The following MTOR variants were observed in gnomAD, a reference collection of about 807,000 sequenced individuals.
MTOR encodes the protein serine/threonine-protein kinase mTOR.
Under a neutral mutation model 319.8 loss-of-function variants are expected in MTOR, and 70 were observed. The ratio of observed to expected loss-of-function variants is 0.22; its 90% confidence interval spans 0.18 to 0.27. The LOEUF is 0.27. Among genes scored for constraint, MTOR ranks in the 10% least tolerant of loss-of-function variants. The pLI is 1.00. For missense variants in MTOR, 1,890 were observed against 3,274.4 expected (o/e 0.58, Z 10.32); for synonymous variants, 1,183 against 1,211.4 (o/e 0.98, Z 0.49).
chr1:11,170,575 A>T (rs1262811140), intron 28 of MTOR, among the ~76,000 whole-genome samples: 2 of 151,828 alleles, frequency 1.3e-5, no homozygotes, highest in Non-Finnish European at 2.9e-5. Context: ...ATAATAAAAA[A>T]AAAGAAAGCC....
intron 36 of MTOR, among the ~76,000 whole-genome samples, chr1:11,138,627 G>A (rs924727270): frequency 6.6e-6 from 1 of 152,174 alleles, no homozygotes; most frequent in African/African-American, 2.4e-5. Flanking sequence ...GGTCACAATG[G>A]GGAGAGAAGG....
At chr1:11,156,476 T>A (rs1029671285) in intron 30 of MTOR, among the ~76,000 whole-genome samples, 2 of 152,208 alleles carry the variant, frequency 1.3e-5, no homozygotes, top group Non-Finnish European at 2.9e-5. Flanking sequence ...GCATTACTGT[T>A]GCTTGCACCT....
intron 28 of MTOR, among the ~76,000 whole-genome samples, chr1:11,180,835 G>A (rs147213343): frequency 0.012 from 1,873 of 151,104 alleles, 48 homozygotes; most frequent in African/African-American, 0.041. Flanking sequence ...GGAGTGCAGC[G>A]GTGCGATCTC....
At chr1:11,194,215 G>C (rs1453744971) in intron 28 of MTOR, among the ~76,000 whole-genome samples, 2 of 152,210 alleles carry the variant, frequency 1.3e-5, no homozygotes, top group African/African-American at 2.4e-5. Flanking sequence ...TTATAAGCAG[G>C]AAAGTGAGGA....
intron 6 of MTOR, among the ~76,000 whole-genome samples, chr1:11,251,266 C>G (rs2100955899): frequency 6.6e-6 from 1 of 152,304 alleles, no homozygotes; most frequent in East Asian, 1.9e-4. Flanking sequence ...ATTTGCTGCT[C>G]CTCTAATACA....
intron 1 of MTOR, among the ~76,000 whole-genome samples, chr1:11,261,647 C>A (rs1651152810): frequency 3.3e-5 from 5 of 150,542 alleles, no homozygotes. Context: ...GAGGAAAAAC[C>A]TGGGAATAAT....
Position 11,128,432 on chromosome 1 carries a change from A to C in MTOR, c.5910+22T>G. 1 of 1,609,840 alleles carries C rather than the reference A, an allele frequency of 6.2e-7. No homozygotes were observed. Among genetic ancestry groups the C allele is most frequent in the Non-Finnish European group, 8.5e-7 (1 of 1,176,390 alleles). On this transcript the variant is annotated intron_variant, in intron 42 of 57. Coordinates refer to ENST00000361445, the MANE Select transcript of MTOR (RefSeq NM_004958.4). The surrounding 1 kb of genome is among the most constrained non-coding windows in gnomAD (Gnocchi z 5.3). ...CACCAAACCAGTGGTTAGATGAGAA[A>C]CTGCCCAGAGTCTCCACATACCTGG... is the stretch of plus-strand genomic sequence containing the variant.
At chr1:11,163,052 G>GAC (rs1254028548) in intron 29 of MTOR, among the ~76,000 whole-genome samples, 1 of 151,984 alleles carries the variant, frequency 6.6e-6, no homozygotes, top group Non-Finnish European at 1.5e-5. Flanking sequence ...CTCACGTGCA[G>GAC]ACACACACAT....
intron 29 of MTOR, among the ~76,000 whole-genome samples, chr1:11,165,222 A>C (rs1162914795): frequency 6.6e-6 from 1 of 152,194 alleles, no homozygotes; most frequent in Non-Finnish European, 1.5e-5. Flanking sequence ...ACTCCTATTC[A>C]ACAAAGTGTT....
intron 49 of MTOR, among the ~76,000 whole-genome samples, chr1:11,117,569 T>G (rs1215910449): frequency 6.6e-6 from 1 of 152,106 alleles, no homozygotes; most frequent in Non-Finnish European, 1.5e-5. Context: ...TAAACTTAAT[T>G]AGAAATGTGT....
chr1:11,125,974 G>T (rs1195389326), intron 46 of MTOR, among the ~76,000 whole-genome samples: 1 of 149,492 alleles, frequency 6.7e-6, no homozygotes, highest in Non-Finnish European at 1.5e-5. Flanking sequence ...CTGGGAGGTG[G>T]AGGTTGCAGT....
Position 11,134,463 on chromosome 1 carries a change from C to T in MTOR, c.5134G>A (p.Asp1712Asn), listed in dbSNP as rs759390743. ...AAATGCTGCATGTGCTGGAAGGCATCGATCTGTAACAGGACAAAGGCACAG... is the reference window on the plus strand; with the variant it reads ...AAATGCTGCATGTGCTGGAAGGCATTGATCTGTAACAGGACAAAGGCACAG... ...KNMWKSARKI[D>N]AFQHMQHFVQ... is the part of the protein sequence containing the mutation. Residue 1712 changes from aspartate (D) to asparagine (N), a missense_variant, in exon 37 of 58, where the codon GAT becomes AAT. By Grantham distance (23) the Asp-to-Asn change is conservative. Transcript: ENST00000361445. 1.1e-5 allele frequency: 17 copies of T among 1,613,914 alleles called. No individual in the cohort carries two copies. The highest frequency in any genetic ancestry group is 2.2e-5 in the East Asian group (1 of 44,880).
rs1467645376 is a variant in MTOR at position 11,230,973 on chromosome 1, C to G, written c.2731G>C (p.Asp911His). 6.2e-7 allele frequency: 1 copy of G among 1,614,014 alleles called. No individual in the cohort carries two copies. The highest frequency in any genetic ancestry group is 8.5e-7 in the Non-Finnish European group (1 of 1,180,034). Residue 911 changes from aspartate to histidine, a missense_variant, in exon 18 of 58, where the codon GAT (aspartate) becomes CAT (histidine). By Grantham distance (81) the Asp-to-His change is moderately conservative. This residue lies in a region of MTOR where 377 missense variants were observed against 653.9 expected (regional missense o/e 0.58). Coordinates refer to ENST00000361445, the MANE Select transcript of MTOR (RefSeq NM_004958.4). ...VNIGMIDQSRDASAVSLSESK... is the reference protein window; with the variant it reads ...VNIGMIDQSRHASAVSLSESK... Reference sequence around the variant, plus strand: ...TCTGACAGGCTGACAGCAGAGGCATCCCGGGACTGGTCTATCATGCCAATG... The same window carrying G: ...TCTGACAGGCTGACAGCAGAGGCATGCCGGGACTGGTCTATCATGCCAATG...
chr1:11,229,959 C>T (rs1045583951), intron 18 of MTOR, among the ~76,000 whole-genome samples: 4 of 151,778 alleles, frequency 2.6e-5, no homozygotes, highest in Non-Finnish European at 4.4e-5. Context: ...AAGTGAGACC[C>T]TGTCTCCAAA....
Position 11,231,431 on chromosome 1 carries a change from C to A in MTOR, c.2518G>T (p.Ala840Ser). 1 of 1,613,928 alleles carries A rather than the reference C, an allele frequency of 6.2e-7. No individual in the cohort carries two copies. Among genetic ancestry groups the A allele is most frequent in the Non-Finnish European group, 8.5e-7 (1 of 1,179,908 alleles). ...ACCAACTGTCCCAGGGTCCACAGAGCCACCTGGATAGGCACAAGAACACGA... is the reference window on the plus strand; with the variant it reads ...ACCAACTGTCCCAGGGTCCACAGAGACACCTGGATAGGCACAAGAACACGA... ...DSSLLAKRQV[A>S]LWTLGQLVAS... The change falls in exon 17 of 58, where the codon GCT becomes TCT. Residue 840 changes from alanine to serine, a missense_variant. By Grantham distance (99) the Ala-to-Ser change is moderately conservative. This residue lies in a region of MTOR where 377 missense variants were observed against 653.9 expected (regional missense o/e 0.58). Coordinates refer to ENST00000361445, the MANE Select transcript of MTOR (RefSeq NM_004958.4).
chr1:11,253,518 C>T (rs927532410), intron 6 of MTOR, among the ~76,000 whole-genome samples: 29 of 152,092 alleles, frequency 1.9e-4, no homozygotes, highest in African/African-American at 7.0e-4. Context: ...CACACTCTTC[C>T]ACCTCAAAGC....
intron 25 of MTOR, among the ~76,000 whole-genome samples, chr1:11,208,366 AC>A (rs36037573): frequency 6.6e-6 from 1 of 152,230 alleles, no homozygotes; most frequent in African/African-American, 2.4e-5. Flanking sequence ...ACAGTAATAA[AC>A]CCCCAGTGCT....
At position 11,106,936 on chromosome 1, in the gene MTOR, G is replaced by A. The variant is rs1203084263; in HGVS notation, c.*549C>T. On this transcript the variant is annotated 3_prime_UTR_variant, in exon 58 of 58. Coordinates refer to ENST00000361445, the MANE Select transcript of MTOR (RefSeq NM_004958.4). ...GGGTCTGATGGAAGACAGACCTTTT[G>A]TACTCATTTTGGCCTATCTTGCAAA... The A allele has an allele frequency of 7.3e-7, 1 of 1,370,248 alleles. No homozygotes were observed. Among genetic ancestry groups the A allele is most frequent in the Non-Finnish European group, 9.6e-7 (1 of 1,038,682 alleles). 84.9% of individuals were successfully genotyped at this position (1,370,248 alleles called of 1,614,324 possible).
At chr1:11,164,449 A>G (rs1031371223) in intron 29 of MTOR, among the ~76,000 whole-genome samples, 10 of 152,156 alleles carry the variant, frequency 6.6e-5, no homozygotes, top group Admixed American at 3.9e-4. Context: ...AACTACCATC[A>G]GAGAATACTA....
Sources: allele counts gnomAD v4.1 joint callset (sites outside exome capture counted in the v4.1 genomes callset), GRCh38; gene constraint gnomAD v4.1.1; regional missense constraint gnomAD v4.1.1; non-coding constraint Gnocchi (gnomAD v3.1); transcripts MANE v1.5; gene names NCBI Gene and HGNC (gene_info 2026-07-23, HGNC 2026-07-21).